The following TIPRL variants were observed in gnomAD, a reference collection of about 807,000 sequenced individuals.
TIPRL encodes the protein TIP41-like protein.
Under a neutral mutation model 32.3 loss-of-function variants are expected in TIPRL, and 10 were observed. That is an observed-to-expected ratio of 0.31 (90% confidence interval 0.19 to 0.52). The LOEUF (loss-of-function observed/expected upper bound fraction) is 0.52. Ranked by LOEUF, TIPRL falls within the 20% of genes least tolerant of loss-of-function variation. The probability of loss-of-function intolerance (pLI) is 0.96; values close to 1 mark genes in which losing one functional copy is unlikely to be tolerated. For synonymous variants in TIPRL, 100 were observed against 114.0 expected (o/e 0.88, Z 0.78); for missense variants, 250 against 328.1 (o/e 0.76, Z 1.84).
At chr1:168,189,555 A>G (rs1421628816) in intron 3 of TIPRL, among the ~76,000 whole-genome samples, 2 of 152,192 alleles carry the variant, frequency 1.3e-5, no homozygotes, top group African/African-American at 4.8e-5. Context: ...CATATTGGCT[A>G]GGCTGGTCTC....
intron 1 of TIPRL, 79 bp downstream of exon 1, chr1:168,179,260 C>T (rs1413595747): frequency 1.3e-5 from 17 of 1,283,848 alleles, no homozygotes; most frequent in South Asian, 6.2e-5. Context: ...TCTGTGCAGC[C>T]CCTCCCCTTT....
rs904618438 is a variant in TIPRL, at chr1:168,201,974, T to G, written c.*1928T>G. 1 of 152,068 alleles carries G rather than the reference T, an allele frequency of 6.6e-6. No homozygotes were observed. Among genetic ancestry groups the G allele is most frequent in the African/African-American group, 2.4e-5 (1 of 41,422 alleles). The allele number at this position is 152,068 out of a possible 1,614,324, so 9.4% of individuals were successfully genotyped here. ...GGTAGAAGAGTATGCCTCTGAAAAT[T>G]TTATTAGTTTATTCTTGTGGAGAAT... On this transcript the variant is annotated 3_prime_UTR_variant, in exon 7 of 7. Transcript: ENST00000367833.
intron 3 of TIPRL, among the ~76,000 whole-genome samples, chr1:168,186,025 A>G (rs1700022857): frequency 7.1e-6 from 1 of 140,774 alleles, no homozygotes; most frequent in Non-Finnish European, 1.5e-5. Context: ...CAGTGAGCTG[A>G]GATCACACTA....
At position 168,191,588 on chromosome 1, in the gene TIPRL, C is replaced by T. The variant is rs564825214; in HGVS notation, c.516+88C>T. The stretch of plus-strand genomic sequence containing the variant: ...TGACTCACTTTGAATAACACTGAGC[C>T]TGGCCGGGCGCGGTGGCTCACGCCT... On this transcript the variant is annotated intron_variant, in intron 4 of 6. Transcript: ENST00000367833. The T allele has an allele frequency of 1.5e-4, 173 of 1,190,428 alleles. No homozygotes were observed. The South Asian group carries it at 3.6e-3, about 25-fold the overall frequency. The allele number at this position is 1,190,428 out of a possible 1,614,324, so 73.7% of individuals were successfully genotyped here.
At chr1:168,181,722 A>C (rs1699965556) in intron 1 of TIPRL, among the ~76,000 whole-genome samples, 1 of 151,970 alleles carries the variant, frequency 6.6e-6, no homozygotes, top group South Asian at 2.1e-4. Flanking sequence ...TTTTAAGGGA[A>C]TAAAATTCCA....
chr1:168,190,864 C>T (rs1700087747), intron 3 of TIPRL, among the ~76,000 whole-genome samples: 1 of 152,180 alleles, frequency 6.6e-6, no homozygotes, highest in African/African-American at 2.4e-5. Context: ...CAGAATTTCT[C>T]TACAAGTTCT....
intron 3 of TIPRL, among the ~76,000 whole-genome samples, chr1:168,187,649 C>T (rs1031091492): frequency 6.6e-6 from 1 of 152,146 alleles, no homozygotes; most frequent in Non-Finnish European, 1.5e-5. Context: ...CTTTGTTAAA[C>T]TAGGGTAATA....
Position 168,184,047 on chromosome 1 carries a change from A to G in TIPRL, c.250A>G (p.Lys84Glu), listed in dbSNP as rs1699998943. The G allele has an allele frequency of 1.9e-6, 3 of 1,613,834 alleles. No individual in the cohort carries two copies. Among genetic ancestry groups the G allele is most frequent in the African/African-American group, 1.3e-5 (1 of 74,938 alleles). ...RCVNNYQGML[K>E]VACAEEWQES... ...TGTAAACAACTACCAAGGAATGCTT[A>G]AAGTGGCCTGTGCTGAAGAGTGGCA... Residue 84 changes from lysine to glutamate, a missense_variant, in exon 2 of 7, where the codon AAA becomes GAA. Physicochemically the swap from Lys to Glu is moderately conservative, Grantham distance 56. Transcript: ENST00000367833.
intron 1 of TIPRL, among the ~76,000 whole-genome samples, chr1:168,180,492 T>C (rs1699946865): frequency 6.6e-6 from 1 of 152,220 alleles, no homozygotes; most frequent in South Asian, 2.1e-4. Flanking sequence ...TTGGGAATTA[T>C]CTGCTTATAT....
intron 5 of TIPRL, 129 bp from the exon 6 acceptor site, chr1:168,198,790 A>G (rs755206306): frequency 1.4e-6 from 1 of 727,516 alleles, no homozygotes; most frequent in African/African-American, 1.8e-5. Context: ...GTGTAGAACA[A>G]GATGTTCTCT....
At position 168,196,603 on chromosome 1, in the gene TIPRL, G is replaced by C. The variant is rs1339793310; in HGVS notation, c.573G>C (p.Gly191=). The change falls in exon 5 of 7, where the codon GGG becomes GGC. Residue 191 remains glycine, a synonymous_variant. Transcript: ENST00000367833. ...TGCGGTTTTTCTTGAGAATTGATGGGGTGCTTATCAGAATGAATGACACGA... is the reference window on the plus strand; with the variant it reads ...TGCGGTTTTTCTTGAGAATTGATGGCGTGCTTATCAGAATGAATGACACGA... ...LLLRFFLRID[G]VLIRMNDTRL... The C allele has an allele frequency of 1.9e-6, 3 of 1,602,942 alleles. No homozygotes were observed. In the South Asian group the frequency reaches 3.4e-5, roughly 18 times the overall value.
intron 4 of TIPRL, chr1:168,192,337 G>T: frequency 1.0e-6 from 1 of 1,004,056 alleles, no homozygotes; most frequent in Non-Finnish European, 1.2e-6. Context: ...CTGGGCGACA[G>T]AGCAAGACTC....
chr1:168,191,491 T>A lies in TIPRL; in HGVS notation c.507T>A (p.Ser169Arg), dbSNP rs764291936. 2.0e-6 allele frequency: 3 copies of A among 1,495,654 alleles called. No individual in the cohort carries two copies. The highest frequency in any genetic ancestry group is 2.7e-6 in the Non-Finnish European group (3 of 1,131,018). The allele number at this position is 1,495,654 out of a possible 1,614,324, so 92.6% of individuals were successfully genotyped here. The change falls in exon 4 of 7, where the codon AGT (serine) becomes AGA (arginine). Residue 169 changes from serine to arginine, a missense_variant. Ser to Arg is a moderately radical substitution (Grantham distance 110). Transcript: ENST00000367833. Reference sequence around the variant, plus strand: ...ATGATCATGGAGTTTCAAGCCTGAGTGTGAAGATTGTGAGTATTATTTTTA... The same window carrying A: ...ATGATCATGGAGTTTCAAGCCTGAGAGTGAAGATTGTGAGTATTATTTTTA... ...ELHDHGVSSL[S>R]VKIRVMPSSF... is the part of the protein sequence containing the mutation.
rs894776645 is a variant in TIPRL at position 168,179,007 on chromosome 1, G to C, written c.-71G>C. On this transcript the variant is annotated 5_prime_UTR_variant, in exon 1 of 7. Coordinates refer to ENST00000367833, the MANE Select transcript of TIPRL (RefSeq NM_152902.5). Reference sequence around the variant, plus strand: ...TAGGAGGCTGGGCCGGAGGGAGGCGGAGGAACCGGTGTTCGCCGCCGCCGC... The same window carrying C: ...TAGGAGGCTGGGCCGGAGGGAGGCGCAGGAACCGGTGTTCGCCGCCGCCGC... 1 of 1,393,992 alleles carries C rather than the reference G, an allele frequency of 7.2e-7. No individual in the cohort carries two copies. Among genetic ancestry groups the C allele is most frequent in the Non-Finnish European group, 9.9e-7 (1 of 1,007,374 alleles). 86.4% of individuals were successfully genotyped at this position (1,393,992 alleles called of 1,614,324 possible). A position where few individuals can be genotyped will look rare whatever the true frequency, so the allele number is the denominator to read the frequency against.
chr1:168,199,205 A>G (rs1700185372), intron 6 of TIPRL, among the ~76,000 whole-genome samples: 1 of 151,994 alleles, frequency 6.6e-6, no homozygotes, highest in Non-Finnish European at 1.5e-5. Context: ...ATCTAATCTA[A>G]TTTTCACATT....
intron 4 of TIPRL, 55 bp from the exon 5 acceptor site, chr1:168,196,492 A>T (rs1458403451): frequency 1.0e-5 from 13 of 1,289,956 alleles, no homozygotes; most frequent in Non-Finnish European, 1.1e-5. Flanking sequence ...TCAGCAAAGT[A>T]ATAAAATGTT....
At chr1:168,181,619 A>T (rs1454778536) in intron 1 of TIPRL, among the ~76,000 whole-genome samples, 1 of 151,374 alleles carries the variant, frequency 6.6e-6, no homozygotes, top group African/African-American at 2.4e-5. Flanking sequence ...TACAATATAT[A>T]ATTATATTAT....
chr1:168,180,397 A>G (rs752878337), intron 1 of TIPRL, among the ~76,000 whole-genome samples: 33 of 152,288 alleles, frequency 2.2e-4, no homozygotes, highest in African/African-American at 7.9e-4. Context: ...TGAGGTGGGT[A>G]TAGGTCATAA....
chr1:168,188,944 G>A (rs1700060969), intron 3 of TIPRL, among the ~76,000 whole-genome samples: 1 of 150,510 alleles, frequency 6.6e-6, no homozygotes, highest in Non-Finnish European at 1.5e-5. Context: ...TGGTGCCACT[G>A]CATTCCAGCC....
Sources: gnomAD v4.1 joint callset for allele counts (sites outside exome capture counted in the v4.1 genomes callset) on GRCh38, gnomAD v4.1.1 for gene constraint, MANE v1.5 for transcripts, NCBI Gene and HGNC (gene_info 2026-07-23, HGNC 2026-07-21) for gene names.